The following IL18 variants were observed in gnomAD, a reference collection of about 807,000 sequenced individuals.
IL18 encodes the protein interleukin 18, also known as interleukin-18.
IL18 carries 8 observed loss-of-function variants against 14.2 expected under a neutral mutation model. The ratio of observed to expected loss-of-function variants is 0.56; its 90% CI spans 0.33 to 1.01. IL18 has a LOEUF of 1.01. Among genes scored for constraint, IL18 ranks in the 50% least tolerant of loss-of-function variants. The pLI, the probability that IL18 is intolerant of heterozygous loss-of-function variation, is 0.03. For missense variants in IL18, 166 were observed against 231.1 expected (o/e 0.72, Z 1.83); for synonymous variants, 67 against 71.0 (o/e 0.94, Z 0.28).
At chr11:112,163,645 C>T (rs1866673435) in intron 1 of IL18, among the ~76,000 whole-genome samples, 1 of 151,718 alleles carries the variant, frequency 6.6e-6, no homozygotes, top group African/African-American at 2.4e-5. Context: ...AAAAATGTTA[C>T]TTATGCTAAC....
At chr11:112,163,472 T>C (rs749052301) in intron 1 of IL18, among the ~76,000 whole-genome samples, 14 of 152,202 alleles carry the variant, frequency 9.2e-5, no homozygotes, top group Non-Finnish European at 1.8e-4. Context: ...TACCAGAGGC[T>C]ACATTCTGTG....
chr11:112,148,665 T>C lies in IL18; in HGVS notation c.298A>G (p.Ile100Val). ...GAAATTTTCTCACACTTCACAGAGA[T>C]AGTTACAGCCATACCTCTAGGCTGG... The part of the protein sequence containing the change: ...DSQPRGMAVT[I>V]SVKCEKISTL... Residue 100 changes from isoleucine (I) to valine (V), a missense_variant, in exon 5 of 6, where the codon ATC becomes GTC. Physicochemically the swap from Ile to Val is conservative, Grantham distance 29. Transcript: ENST00000280357. 7 of 1,514,504 alleles carry C rather than the reference T, an allele frequency of 4.6e-6. No homozygotes were observed. The highest frequency in any genetic ancestry group is 6.2e-6 in the Non-Finnish European group (7 of 1,123,690). 93.8% of individuals were successfully genotyped at this position (1,514,504 alleles called of 1,614,324 possible).
chr11:112,150,254 A>AAAAT (rs758193739), intron 3 of IL18, 48 bp from the exon 4 acceptor site: 2 of 1,264,658 alleles, frequency 1.6e-6, no homozygotes, highest in Non-Finnish European at 2.3e-6. Flanking sequence ...TTTCTTTGTT[A>AAAAT]ATTGACAAAT....
intron 1 of IL18, among the ~76,000 whole-genome samples, chr11:112,162,551 C>A (rs1866650650): frequency 6.6e-6 from 1 of 151,936 alleles, no homozygotes; most frequent in African/African-American, 2.4e-5. Flanking sequence ...TGCCATGTTG[C>A]CCAGGCTGGT....
At chr11:112,157,113 T>C (rs1866547873) in intron 1 of IL18, among the ~76,000 whole-genome samples, 1 of 152,208 alleles carries the variant, frequency 6.6e-6, no homozygotes, top group Admixed American at 6.5e-5. Context: ...AAGGCCCTAT[T>C]ATCAGCATCA....
chr11:112,161,167 T>G (rs1328677898), intron 1 of IL18, among the ~76,000 whole-genome samples: 1 of 152,170 alleles, frequency 6.6e-6, no homozygotes, highest in Non-Finnish European at 1.5e-5. Context: ...ACATAAAAAT[T>G]TAGTTATGCA....
intron 5 of IL18, among the ~76,000 whole-genome samples, chr11:112,144,183 G>A (rs1369927295): frequency 6.6e-6 from 1 of 152,078 alleles, no homozygotes; most frequent in East Asian, 1.9e-4. Flanking sequence ...AACCATTCAC[G>A]GCTAAAGACG....
intron 1 of IL18, among the ~76,000 whole-genome samples, chr11:112,157,801 C>T (rs5744238): frequency 0.02 from 2,985 of 152,226 alleles, 83 homozygotes; most frequent in African/African-American, 0.067. Context: ...AATGTAGTCA[C>T]ATTTTACAGA....
chr11:112,143,722 T>C lies in IL18; in HGVS notation c.456A>G (p.Glu152=). The change falls in exon 6 of 6, where the codon GAA becomes GAG. Residue 152 remains glutamate, a synonymous_variant. Coordinates refer to ENST00000280357, the MANE Select transcript of IL18 (RefSeq NM_001562.4). ...VPGHDNKMQF[E]SSSYEGYFLA... ...GAAAGTATCCTTCGTATGATGAAGA[T>C]TCAAATTGCATCTTATTATCATGTC... is the stretch of plus-strand genomic sequence containing the variant. 6.2e-7 allele frequency: 1 copy of C among 1,612,838 alleles called. No individual in the cohort carries two copies. Among genetic ancestry groups the C allele is most frequent in the Middle Eastern group, 1.7e-4 (1 of 6,056 alleles).
At chr11:112,158,521 G>GATTTTTTTTTT (rs1866572749) in intron 1 of IL18, among the ~76,000 whole-genome samples, 1 of 104,984 alleles carries the variant, frequency 9.5e-6, no homozygotes, top group Non-Finnish European at 1.8e-5. Flanking sequence ...TTTATTTGGA[G>GATTTTTTTTTT]TTTTTTTTTT....
At chr11:112,158,521 G>GTTTTTTTTTTTTTTTTTTT (rs71060226) in intron 1 of IL18, among the ~76,000 whole-genome samples, 2 of 104,982 alleles carry the variant, frequency 1.9e-5, no homozygotes, top group Admixed American at 1.2e-4. Context: ...TTTATTTGGA[G>GTTTTTTTTTTTTTTTTTTT]TTTTTTTTTT....
chr11:112,159,472 G>T (rs1866593255), intron 1 of IL18, among the ~76,000 whole-genome samples: 1 of 152,064 alleles, frequency 6.6e-6, no homozygotes, highest in Non-Finnish European at 1.5e-5. Flanking sequence ...GAATTCAAGA[G>T]ATACTAAACA....
chr11:112,146,862 G>A (rs989512007), intron 5 of IL18, among the ~76,000 whole-genome samples: 3 of 141,880 alleles, frequency 2.1e-5, no homozygotes, highest in African/African-American at 5.3e-5. Context: ...GCCACCCCCC[G>A]CCCTTTTTAA....
intron 1 of IL18, among the ~76,000 whole-genome samples, chr11:112,160,669 G>A (rs759299169): frequency 1.3e-5 from 2 of 152,050 alleles, no homozygotes; most frequent in African/African-American, 2.4e-5. Context: ...TGACAACAGC[G>A]TAGAAAGGGA....
chr11:112,162,777 T>C (rs555560487), intron 1 of IL18, among the ~76,000 whole-genome samples: 2 of 152,292 alleles, frequency 1.3e-5, no homozygotes, highest in East Asian at 1.9e-4. Context: ...TAGGAAAACA[T>C]TGCAGATAAA....
intron 5 of IL18, among the ~76,000 whole-genome samples, chr11:112,146,342 A>G (rs1237125905): frequency 3.3e-5 from 5 of 151,930 alleles, no homozygotes; most frequent in Non-Finnish European, 7.4e-5. Context: ...TTTTTTTGAG[A>G]CAAAGTCTCA....
rs1178315326 is a variant in IL18, at chr11:112,150,157, G to C, written c.141C>G (p.Val47=). The part of the protein sequence containing the change: ...YFGKLESKLS[V]IRNLNDQVLF... ...GAACTTGGTCATTCAAATTTCTTAT[G>C]ACTGATAATTTAGATTCAAGCTTGC... The change falls in exon 4 of 6, where the codon GTC becomes GTG. Residue 47 remains valine (V), a synonymous_variant. Transcript: ENST00000280357. 6.3e-7 allele frequency: 1 copy of C among 1,598,622 alleles called. No homozygotes were observed.
chr11:112,150,368 G>T, intron 3 of IL18, 162 bp from the exon 4 acceptor site: 2 of 558,524 alleles, frequency 3.6e-6, no homozygotes, highest in South Asian at 2.2e-5. Flanking sequence ...TACTCTCAAA[G>T]GCACACTCAA....
At chr11:112,157,458 G>A (rs941891572) in intron 1 of IL18, among the ~76,000 whole-genome samples, 2 of 152,200 alleles carry the variant, frequency 1.3e-5, no homozygotes, top group Admixed American at 6.5e-5. Flanking sequence ...GTGGCCAGTA[G>A]CTGACCAAAC....
Sources: allele counts gnomAD v4.1 joint callset (sites outside exome capture counted in the v4.1 genomes callset), GRCh38; gene constraint gnomAD v4.1.1; transcripts MANE v1.5; gene names NCBI Gene and HGNC (gene_info 2026-07-23, HGNC 2026-07-21).